The following PAK5 variants were observed in gnomAD, a reference collection of about 807,000 sequenced individuals.
The protein encoded by PAK5 is p21 (RAC1) activated kinase 5.
A neutral mutation model predicts 65.9 loss-of-function variants in PAK5; 16 were observed. That is an observed-to-expected ratio of 0.24 (90% CI 0.16 to 0.37). The LOEUF (loss-of-function observed/expected upper bound fraction) is 0.37, where lower values mean the gene tolerates loss of function less well. Ranked by LOEUF, PAK5 falls within the 10% of genes least tolerant of loss-of-function variation. The pLI, the probability that PAK5 is intolerant of heterozygous loss-of-function variation, is 1.00. For synonymous variants in PAK5, 371 were observed against 354.9 expected (o/e 1.05, Z -0.51); for missense variants, 785 against 903.9 (o/e 0.87, Z 1.69).
chr20:9,676,442 A>G (rs1299321384), intron 2 of PAK5, among the ~76,000 whole-genome samples: 1 of 152,222 alleles, frequency 6.6e-6, no homozygotes, highest in Non-Finnish European at 1.5e-5. Context: ...CTACAATTAC[A>G]ATTTCTACAG....
At chr20:9,725,008 C>A (rs2123532723) in intron 1 of PAK5, among the ~76,000 whole-genome samples, 1 of 151,968 alleles carries the variant, frequency 6.6e-6, no homozygotes, top group East Asian at 1.9e-4. Context: ...TCTGACATAA[C>A]CCATAAATAT....
chr20:9,806,153 T>G (rs2049230273), intron 1 of PAK5, among the ~76,000 whole-genome samples: 1 of 152,084 alleles, frequency 6.6e-6, no homozygotes, highest in Non-Finnish European at 1.5e-5. Context: ...TATTTATTTA[T>G]TTATTTTGTA....
chr20:9,686,626 C>T (rs2047723170), intron 2 of PAK5, among the ~76,000 whole-genome samples: 1 of 152,126 alleles, frequency 6.6e-6, no homozygotes, highest in Non-Finnish European at 1.5e-5. Flanking sequence ...ATCCCCTATC[C>T]CCTTCGACCT....
Position 9,833,135 on chromosome 20 carries a change from C to T in PAK5, c.-162+5627G>A, listed in dbSNP as rs983320838. On this transcript the variant is annotated intron_variant, in intron 1 of 9. Transcript: ENST00000353224. Reference sequence around the variant, plus strand: ...AAACTTATCAATTTATGTGGAATTTCATTTGGAGGGTCATGTAAACAGAGG... The same window carrying T: ...AAACTTATCAATTTATGTGGAATTTTATTTGGAGGGTCATGTAAACAGAGG... Among the ~76,000 whole-genome samples, 13 of 152,234 alleles carry T rather than the reference C, an allele frequency of 8.5e-5. 1 individual carries two copies. The East Asian group carries it at 1.5e-3, about 18-fold the overall frequency.
In PAK5 at chr20:9,539,492, G is replaced by T; in HGVS notation, c.2130C>A (p.Val710=). The T allele has an allele frequency of 6.2e-7, 1 of 1,614,070 alleles. No homozygotes were observed. Among genetic ancestry groups the T allele is most frequent in the South Asian group, 1.1e-5 (1 of 91,082 alleles). ...GATGCCTGTATTGTCTCATGAGGGG[G>T]ACGATGCAAGACGGTGGACCTGCTA... ...LKLAGPPSCI[V]PLMRQYRHH is the part of the protein sequence containing the mutation. Residue 710 remains valine (V), a synonymous_variant, in exon 10 of 10, where the codon GTC becomes GTA. Transcript: ENST00000353224.
At chr20:9,654,288 CCT>C (rs1256709471) in intron 2 of PAK5, among the ~76,000 whole-genome samples, 3 of 152,054 alleles carry the variant, frequency 2.0e-5, no homozygotes, top group African/African-American at 7.2e-5. Context: ...TTCCCATTTT[CCT>C]CTGACTCTCT....
At chr20:9,657,763 G>A (rs1173581163) in intron 2 of PAK5, among the ~76,000 whole-genome samples, 1 of 152,184 alleles carries the variant, frequency 6.6e-6, no homozygotes, top group Non-Finnish European at 1.5e-5. Context: ...GGCAGGTCTT[G>A]CGAACTTGAA....
chr20:9,773,298 T>C (rs186655887), intron 1 of PAK5, among the ~76,000 whole-genome samples: 2 of 152,282 alleles, frequency 1.3e-5, no homozygotes, highest in Admixed American at 1.3e-4. Context: ...TGCAGGTTTG[T>C]TACATATGTA....
At chr20:9,611,513 T>C (rs1287146180) in intron 3 of PAK5, among the ~76,000 whole-genome samples, 2 of 152,208 alleles carry the variant, frequency 1.3e-5, no homozygotes, top group Non-Finnish European at 2.9e-5. Flanking sequence ...AAAGCTCTTT[T>C]CTTGTCACTT....
At chr20:9,784,465 A>G (rs2048972448) in intron 1 of PAK5, 1 of 152,222 alleles carries the variant, frequency 6.6e-6, no homozygotes, top group Admixed American at 6.5e-5. Context: ...GGCCCCAGTA[A>G]GAGCCATGGG....
chr20:9,642,626 T>C (rs978340866), intron 3 of PAK5, among the ~76,000 whole-genome samples: 2 of 152,240 alleles, frequency 1.3e-5, no homozygotes, highest in South Asian at 2.1e-4. Context: ...GTCCACCTTA[T>C]TATATGATCA....
At chr20:9,754,200 C>T (rs1044949468) in intron 1 of PAK5, among the ~76,000 whole-genome samples, 1 of 152,142 alleles carries the variant, frequency 6.6e-6, no homozygotes, top group Non-Finnish European at 1.5e-5. Flanking sequence ...ATTTTGCCCA[C>T]TGCCCAGATA....
At chr20:9,710,607 G>C (rs545018162) in intron 2 of PAK5, among the ~76,000 whole-genome samples, 24 of 152,222 alleles carry the variant, frequency 1.6e-4, no homozygotes, top group Non-Finnish European at 2.6e-4. Flanking sequence ...CACCCTGCGT[G>C]GGGGGTAGTA....
At chr20:9,600,027 T>A (rs900974459) in intron 3 of PAK5, among the ~76,000 whole-genome samples, 11 of 152,222 alleles carry the variant, frequency 7.2e-5, no homozygotes, top group Admixed American at 7.2e-4. Context: ...TTTATGTATA[T>A]GGTATAAGAT....
chr20:9,616,989 A>G (rs975773754), intron 3 of PAK5, among the ~76,000 whole-genome samples: 2 of 152,218 alleles, frequency 1.3e-5, no homozygotes, highest in African/African-American at 4.8e-5. Flanking sequence ...GACTATTGCA[A>G]TTGTGTGTGA....
At chr20:9,615,165 G>A (rs879848196) in intron 3 of PAK5, among the ~76,000 whole-genome samples, 3 of 152,188 alleles carry the variant, frequency 2.0e-5, no homozygotes, top group Admixed American at 6.5e-5. Context: ...GTGGTTGTCC[G>A]GGGTTAGGGT....
At chr20:9,809,648 G>A (rs201737106) in intron 1 of PAK5, among the ~76,000 whole-genome samples, 2 of 152,046 alleles carry the variant, frequency 1.3e-5, no homozygotes, top group African/African-American at 4.8e-5. Context: ...ATGGCTGTTT[G>A]TCAAACATTT....
chr20:9,568,472 G>A (rs1248331144), intron 4 of PAK5, among the ~76,000 whole-genome samples: 3 of 152,172 alleles, frequency 2.0e-5, no homozygotes, highest in Non-Finnish European at 4.4e-5. Context: ...AGGGCTTGTG[G>A]GGTGTGATAA....
rs541478142 is a variant in PAK5 at position 9,603,778 on chromosome 20, G to A, written c.205-22848C>T. The stretch of plus-strand genomic sequence containing the variant: ...TCTGTATATAATCTCCATAACAACC[G>A]TATGAGATTTGCACTATTATCCCCA... On this transcript the variant is annotated intron_variant, in intron 3 of 9. Transcript: ENST00000353224. 5.3e-5 allele frequency among the ~76,000 whole-genome samples: 8 copies of A among 152,160 alleles called. No individual in the cohort carries two copies. In the South Asian group the frequency reaches 1.0e-3, roughly 20 times the overall value.
Sources: gnomAD v4.1 joint callset for allele counts (sites outside exome capture counted in the v4.1 genomes callset) on GRCh38, gnomAD v4.1.1 for gene constraint, MANE v1.5 for transcripts, NCBI Gene and HGNC (gene_info 2026-07-23, HGNC 2026-07-21) for gene names.